The following NTRK3 variants were observed in gnomAD, a reference collection of about 807,000 sequenced individuals.
NTRK3 encodes the protein NT-3 growth factor receptor.
NTRK3 carries 24 observed loss-of-function variants against 91.7 expected under a neutral mutation model. The observed-to-expected ratio is 0.26, with a 90% confidence interval of 0.19 to 0.37. The LOEUF is 0.37. Among genes scored for constraint, NTRK3 ranks in the 10% least tolerant of loss-of-function variants. The pLI, the probability that NTRK3 is intolerant of heterozygous loss-of-function variation, is 1.00. For missense variants in NTRK3, 880 were observed against 1,068.9 expected (o/e 0.82, Z 2.46); for synonymous variants, 483 against 404.0 (o/e 1.20, Z -2.34).
chr15:88,160,634 G>A (rs1465372388), intron 5 of NTRK3, among the ~76,000 whole-genome samples: 1 of 152,176 alleles, frequency 6.6e-6, no homozygotes, highest in Non-Finnish European at 1.5e-5. Context: ...TGGCCTTTAG[G>A]GGCCTTCTCC....
At chr15:88,026,399 T>G (rs1211244296) in intron 14 of NTRK3, among the ~76,000 whole-genome samples, 1 of 152,184 alleles carries the variant, frequency 6.6e-6, no homozygotes, top group Admixed American at 6.5e-5. Flanking sequence ...GGCTACACAC[T>G]ATGATTCCAA....
chr15:88,000,162 G>T (rs963628045), intron 14 of NTRK3, among the ~76,000 whole-genome samples: 1 of 152,176 alleles, frequency 6.6e-6, no homozygotes, highest in Admixed American at 6.5e-5. Flanking sequence ...CACAGGTAGG[G>T]ACTAATAGTG....
At chr15:88,218,408 T>C (rs375560697) in intron 3 of NTRK3, among the ~76,000 whole-genome samples, 53 of 152,316 alleles carry the variant, frequency 3.5e-4, no homozygotes, top group African/African-American at 1.3e-3. Flanking sequence ...CCAGCACAGC[T>C]TACTGTGACC....
intron 14 of NTRK3, among the ~76,000 whole-genome samples, chr15:88,010,206 T>C (rs1281001553): frequency 6.6e-6 from 1 of 152,202 alleles, no homozygotes; most frequent in Non-Finnish European, 1.5e-5. Context: ...GTCCAGTCTC[T>C]GTCTACTCCT....
At chr15:88,124,615 A>G (rs1181933297) in intron 13 of NTRK3, among the ~76,000 whole-genome samples, 1 of 152,222 alleles carries the variant, frequency 6.6e-6, no homozygotes, top group Non-Finnish European at 1.5e-5. Flanking sequence ...TGCACAGGCA[A>G]TAATAGTGCC....
At chr15:87,861,937 T>C in exon 19 of NTRK3, 2 of 215,924 alleles carry the variant, frequency 9.3e-6, no homozygotes, top group Non-Finnish European at 1.9e-5. Context: ...AGCAGTCACT[T>C]TGCAGCTCCT....
At chr15:87,971,165 A>G (rs2141273404) in intron 14 of NTRK3, among the ~76,000 whole-genome samples, 1 of 152,302 alleles carries the variant, frequency 6.6e-6, no homozygotes, top group South Asian at 2.1e-4. Flanking sequence ...CATTCTCAGA[A>G]TATGTTCTAT....
intron 3 of NTRK3, among the ~76,000 whole-genome samples, chr15:88,224,310 C>A (rs778549286): frequency 6.6e-6 from 1 of 152,200 alleles, no homozygotes; most frequent in Non-Finnish European, 1.5e-5. Context: ...GAACAGTTGG[C>A]CTGCAGAGTC....
chr15:88,078,235 G>C (rs1294781872), intron 13 of NTRK3, among the ~76,000 whole-genome samples: 1 of 152,164 alleles, frequency 6.6e-6, no homozygotes. Context: ...TATGTTCTGG[G>C]GGTAGAGGTA....
chr15:87,884,639 T>C (rs1278928872), intron 17 of NTRK3, among the ~76,000 whole-genome samples: 2 of 151,752 alleles, frequency 1.3e-5, no homozygotes, highest in Non-Finnish European at 3.0e-5. Context: ...ATTACAAGAA[T>C]TCCATATTAT....
chr15:87,979,195 T>G, intron 14 of NTRK3: 1 of 713,206 alleles, frequency 1.4e-6, no homozygotes, highest in Non-Finnish European at 2.5e-6. Context: ...ACCCATCTGG[T>G]GGTGTTAAAG....
At chr15:87,965,749 C>T (rs1308467823) in intron 14 of NTRK3, among the ~76,000 whole-genome samples, 1 of 152,222 alleles carries the variant, frequency 6.6e-6, no homozygotes, top group African/African-American at 2.4e-5. Context: ...TTTATTTAAA[C>T]ATCTGCAGAT....
chr15:88,128,952 T>C (rs1455754577), intron 10 of NTRK3, among the ~76,000 whole-genome samples: 1 of 152,150 alleles, frequency 6.6e-6, no homozygotes, highest in Non-Finnish European at 1.5e-5. Context: ...AGAGATAAAG[T>C]TCCTGGTTTC....
intron 15 of NTRK3, among the ~76,000 whole-genome samples, chr15:87,934,184 T>G (rs1180442189): frequency 6.6e-6 from 1 of 152,216 alleles, no homozygotes; most frequent in African/African-American, 2.4e-5. Context: ...AGGCCCTTTC[T>G]GCATGAGGAG....
chr15:88,133,421 T>C (rs1222266786), intron 10 of NTRK3, among the ~76,000 whole-genome samples: 1 of 152,106 alleles, frequency 6.6e-6, no homozygotes, highest in African/African-American at 2.4e-5. Context: ...TGTCTTCTCC[T>C]CCCTCCTGAG....
At chr15:88,224,880 C>T (rs1422937041) in intron 3 of NTRK3, among the ~76,000 whole-genome samples, 1 of 152,212 alleles carries the variant, frequency 6.6e-6, no homozygotes, top group Non-Finnish European at 1.5e-5. Context: ...TCACTCTTGG[C>T]ACTGGAGCTG....
intron 14 of NTRK3, among the ~76,000 whole-genome samples, chr15:87,969,343 G>T (rs540103962): frequency 6.6e-6 from 1 of 152,254 alleles, no homozygotes; most frequent in East Asian, 1.9e-4. Flanking sequence ...CTCCTGCTTT[G>T]TGCAAATATC....
intron 3 of NTRK3, among the ~76,000 whole-genome samples, chr15:88,218,682 A>G (rs2049995080): frequency 6.6e-6 from 1 of 152,196 alleles, no homozygotes; most frequent in Non-Finnish European, 1.5e-5. Context: ...ATCCCTAGGC[A>G]CAAGTGACTC....
chr15:87,937,305 A>G (rs2069386428), intron 15 of NTRK3, among the ~76,000 whole-genome samples: 1 of 152,238 alleles, frequency 6.6e-6, no homozygotes, highest in Non-Finnish European at 1.5e-5. Flanking sequence ...CTAGAAACCA[A>G]TGAAATATGA....
Sources: allele counts gnomAD v4.1 joint callset (sites outside exome capture counted in the v4.1 genomes callset), GRCh38; gene constraint gnomAD v4.1.1; transcripts MANE v1.5; gene names NCBI Gene and HGNC (gene_info 2026-07-23, HGNC 2026-07-21).